The following DTNA variants were observed in gnomAD, a reference collection of about 807,000 sequenced individuals.
DTNA encodes dystrophin-related protein 3.
A neutral mutation model predicts 100.7 loss-of-function variants in DTNA; 43 were observed. The observed-to-expected ratio is 0.43, with a 90% CI of 0.33 to 0.55. The LOEUF (loss-of-function observed/expected upper bound fraction) is 0.55, where lower values mean the gene tolerates loss of function less well. DTNA is among the 20% of genes least tolerant of loss of function. DTNA has a pLI of 0.04. For synonymous variants in DTNA, 349 were observed against 347.9 expected, an observed-to-expected ratio of 1.00 and a Z score of -0.04; for missense variants, 798 against 953.9, an observed-to-expected ratio of 0.84 and a Z score of 2.15.
At chr18:34,870,451 G>A (rs1041877342) in intron 17 of DTNA, among the ~76,000 whole-genome samples, 1 of 151,962 alleles carries the variant, frequency 6.6e-6, no homozygotes, top group South Asian at 2.1e-4. Context: ...CGAGGGAGAG[G>A]GATAATTCAC....
chr18:34,813,218 A>G (rs1242501140), intron 6 of DTNA, among the ~76,000 whole-genome samples: 3 of 152,046 alleles, frequency 2.0e-5, no homozygotes, highest in African/African-American at 7.2e-5. Context: ...GCTCACTCCT[A>G]TAATCCCAGG....
Position 34,596,689 on chromosome 18 carries a change from A to G in DTNA, c.-2+103175A>G, listed in dbSNP as rs150331089. 1.5e-4 allele frequency among the ~76,000 whole-genome samples: 23 copies of G among 152,330 alleles called. No individual in the cohort carries two copies. In the East Asian group the frequency reaches 3.9e-3, roughly 26 times the overall value. ...TTTTACACTCTTCGTTCTAGAGAAC[A>G]TATCAAAGTTTGCTGATATCATTAA... is the stretch of plus-strand genomic sequence containing the variant. On this transcript the variant is annotated intron_variant, in intron 1 of 19. Coordinates refer to the DTNA transcript ENST00000283365.
chr18:34,556,199 C>CT, intron 1 of DTNA, among the ~76,000 whole-genome samples: 1 of 151,120 alleles, frequency 6.6e-6, no homozygotes, highest in Non-Finnish European at 1.5e-5. Context: ...CAACCCCTGC[C>CT]TTTTTTTGTT....
intron 1 of DTNA, among the ~76,000 whole-genome samples, chr18:34,620,818 T>C (rs957251569): frequency 2.6e-5 from 4 of 152,226 alleles, no homozygotes; most frequent in Admixed American, 6.5e-5. Flanking sequence ...ACCTCCAGCA[T>C]TGGAGATTAC....
intron 1 of DTNA, among the ~76,000 whole-genome samples, chr18:34,675,349 C>T (rs1210041725): frequency 6.6e-6 from 1 of 152,098 alleles, no homozygotes; most frequent in Non-Finnish European, 1.5e-5. Flanking sequence ...AAAAGAAGTC[C>T]TGGAGAGCAC....
chr18:34,526,066 A>G (rs1259465541), intron 1 of DTNA, among the ~76,000 whole-genome samples: 15 of 152,184 alleles, frequency 9.9e-5, no homozygotes, highest in Admixed American at 9.8e-4. Flanking sequence ...ATTTGACAGT[A>G]GAAAGGAGTG....
chr18:34,868,154 CAA>C (rs34776092), intron 17 of DTNA: 12,465 of 175,746 alleles, frequency 0.071, 181 homozygotes, highest in African/African-American at 0.15. Context: ...GGCAATGAAG[CAA>C]AAAAAAAAAA....
At chr18:34,598,231 T>C (rs1383141529) in intron 1 of DTNA, among the ~76,000 whole-genome samples, 2 of 151,492 alleles carry the variant, frequency 1.3e-5, no homozygotes, top group African/African-American at 4.8e-5. Flanking sequence ...TTTTTTTTTT[T>C]ACCAAATGTG....
At chr18:34,887,160 T>A (rs1178124782) in intron 22 of DTNA, among the ~76,000 whole-genome samples, 1 of 152,176 alleles carries the variant, frequency 6.6e-6, no homozygotes, top group African/African-American at 2.4e-5. Flanking sequence ...TGAAAATAAG[T>A]ACACACTTTC....
At chr18:34,559,343 G>A (rs1225557938) in intron 1 of DTNA, among the ~76,000 whole-genome samples, 1 of 152,214 alleles carries the variant, frequency 6.6e-6, no homozygotes, top group East Asian at 1.9e-4. Flanking sequence ...CTGTGGATAA[G>A]TGGGGGGAAA....
At chr18:34,651,300 A>G (rs1375794771) in intron 1 of DTNA, among the ~76,000 whole-genome samples, 1 of 152,228 alleles carries the variant, frequency 6.6e-6, no homozygotes, top group Non-Finnish European at 1.5e-5. Context: ...TAAGATTACT[A>G]TGAGGATAAA....
At chr18:34,770,673 G>A (rs1434386203) in intron 3 of DTNA, among the ~76,000 whole-genome samples, 1 of 151,964 alleles carries the variant, frequency 6.6e-6, no homozygotes, top group Non-Finnish European at 1.5e-5. Context: ...TTTTTATAGA[G>A]AATGAACTAA....
chr18:34,890,571 C>T lies in DTNA; in HGVS notation c.*2837C>T. On this transcript the variant is annotated 3_prime_UTR_variant, in exon 23 of 23. Coordinates refer to ENST00000444659, the MANE Select transcript of DTNA (RefSeq NM_001386795.1). Reference sequence around the variant, plus strand: ...AGAGCTGATAGCCTGTTAATAAGCACTGGTCTAACACAGCCAACCCTCCTC... The same window carrying T: ...AGAGCTGATAGCCTGTTAATAAGCATTGGTCTAACACAGCCAACCCTCCTC... 30 of 1,389,044 alleles carry T rather than the reference C, an allele frequency of 2.2e-5. No homozygotes were observed. The highest frequency in any genetic ancestry group is 2.9e-5 in the Non-Finnish European group (30 of 1,034,420). 86.0% of individuals were successfully genotyped at this position (1,389,044 alleles called of 1,614,324 possible).
chr18:34,735,469 G>A (rs944081387), intron 1 of DTNA, among the ~76,000 whole-genome samples: 1 of 152,154 alleles, frequency 6.6e-6, no homozygotes, highest in Non-Finnish European at 1.5e-5. Flanking sequence ...CAGGCTCTTA[G>A]GGACTAAAGG....
intron 9 of DTNA, among the ~76,000 whole-genome samples, chr18:34,823,123 C>T (rs2095767669): frequency 1.3e-5 from 2 of 151,674 alleles, no homozygotes; most frequent in South Asian, 2.1e-4. Flanking sequence ...AGTAGATATC[C>T]ATGTCTTTTT....
intron 1 of DTNA, among the ~76,000 whole-genome samples, chr18:34,658,356 C>A (rs563465005): frequency 6.6e-6 from 1 of 152,046 alleles, no homozygotes; most frequent in Non-Finnish European, 1.5e-5. Context: ...TCTTTTGTTT[C>A]TTTGTTTGTC....
At chr18:34,809,484 A>C (rs1008958896) in intron 5 of DTNA, among the ~76,000 whole-genome samples, 1 of 152,172 alleles carries the variant, frequency 6.6e-6, no homozygotes, top group Non-Finnish European at 1.5e-5. Context: ...AACAAAAAAA[A>C]CAGGTAAGGT....
At chr18:34,594,206 A>G (rs1205930465) in intron 1 of DTNA, among the ~76,000 whole-genome samples, 2 of 151,536 alleles carry the variant, frequency 1.3e-5, no homozygotes, top group Non-Finnish European at 2.9e-5. Flanking sequence ...AGAGCTTGAG[A>G]GAAGACAAGG....
intron 1 of DTNA, among the ~76,000 whole-genome samples, chr18:34,605,633 GCACACACACACACACACA>G (rs3078088): frequency 4.2e-5 from 6 of 142,234 alleles, no homozygotes; most frequent in Non-Finnish European, 9.2e-5. Flanking sequence ...TGCAACTCAG[GCACACACACACACACACA>G]CACACACACA....
Sources: gnomAD v4.1 joint callset for allele counts (sites outside exome capture counted in the v4.1 genomes callset) on GRCh38, gnomAD v4.1.1 for gene constraint, MANE v1.5 for transcripts, NCBI Gene and HGNC (gene_info 2026-07-23, HGNC 2026-07-21) for gene names.